Variants in ALDH3A2 observed in about 807,000 individuals in gnomAD.
ALDH3A2 encodes aldehyde dehydrogenase 3 family member A2.
Under a neutral mutation model 51.3 loss-of-function variants are expected in ALDH3A2, and 36 were observed. The ratio of observed to expected loss-of-function variants is 0.70; its 90% CI spans 0.54 to 0.93. ALDH3A2 has a LOEUF of 0.93. Among genes scored for constraint, ALDH3A2 ranks in the 40% least tolerant of loss-of-function variants. The pLI is 0.00. For missense variants in ALDH3A2, 552 were observed against 603.1 expected, an observed-to-expected ratio of 0.92 and a Z score of 0.89; for synonymous variants, 199 against 219.8, an observed-to-expected ratio of 0.91 and a Z score of 0.84.
rs2084898379 is a variant in ALDH3A2 at position 19,656,459 on chromosome 17, G to A, written c.565G>A (p.Val189Ile). 3 of 1,614,058 alleles carry A rather than the reference G, an allele frequency of 1.9e-6. No homozygotes were observed. The highest frequency in any genetic ancestry group is 1.3e-5 in the African/African-American group (1 of 74,918). ...CATTTTCTATACGGGAAACACTGCG[G>A]TTGGCAAAATTGTCATGGAAGCTGC... ...DHIFYTGNTA[V>I]GKIVMEAAAK... Residue 189 changes from valine (V) to isoleucine (I), a missense_variant, in exon 4 of 10, where the codon GTT (valine) becomes ATT (isoleucine). Physicochemically the swap from Val to Ile is conservative, Grantham distance 29. Transcript: ENST00000176643.
chr17:19,655,825 A>T (rs897580631), intron 3 of ALDH3A2, among the ~76,000 whole-genome samples: 1 of 152,214 alleles, frequency 6.6e-6, no homozygotes, highest in African/African-American at 2.4e-5. Flanking sequence ...AGGCTCAGAG[A>T]TGTTCAGTAG....
In ALDH3A2 at chr17:19,673,013, C is replaced by T. The variant is rs997517822; in HGVS notation, c.1443+1057C>T. 1.0e-5 allele frequency: 12 copies of T among 1,156,064 alleles called. No homozygotes were observed. In the East Asian group the frequency reaches 2.4e-4, roughly 23 times the overall value. The allele number at this position is 1,156,064 out of a possible 1,614,324, so 71.6% of individuals were successfully genotyped here. On this transcript the variant is annotated intron_variant, in intron 9 of 9. Transcript: ENST00000176643. ...CCAAGATCATGCCACTGCACTCCAGCCTGGGCAATAGAGCGAGACTCCATC... is the reference window on the plus strand; with the variant it reads ...CCAAGATCATGCCACTGCACTCCAGTCTGGGCAATAGAGCGAGACTCCATC...
chr17:19,663,336 CA>C lies in ALDH3A2; in HGVS notation c.946del (p.Thr316GlnfsTer12), dbSNP rs1295218502. On this transcript the variant is annotated frameshift_variant, in exon 7 of 10. Transcript: ENST00000176643. LOFTEE classifies it high-confidence loss of function. Reference protein sequence around the residue: ...ETDEATRYIAPTVLTDVDPKT... With the variant: ...ETDEATRYIAXTVLTDVDPKT... The stretch of plus-strand genomic sequence containing the variant: ...ATTTTGTTTATTTTCTTTTTAGCCC[CA>C]ACAGTACTTACCGATGTTGATCCTA... The C allele has an allele frequency of 6.2e-7, 1 of 1,613,944 alleles. No individual in the cohort carries two copies.
rs72547554 is a variant in ALDH3A2, at chr17:19,648,999, C to G, written c.28C>G (p.Gln10Glu). Residue 10 changes from glutamine (Q) to glutamate (E), a missense_variant, in exon 1 of 10, where the codon CAG becomes GAG. By Grantham distance (29) the Gln-to-Glu change is conservative. Coordinates refer to ENST00000176643, the MANE Select transcript of ALDH3A2 (RefSeq NM_000382.3). MELEVRRVR[Q>E]AFLSGRSRPL... ...GGAGCTCGAAGTCCGGCGGGTCCGA[C>G]AGGCGTTCCTGTCCGGCCGGTCGCG... The G allele has an allele frequency of 5.5e-3, 8,680 of 1,585,796 alleles. 25 individuals are homozygous for G. Among genetic ancestry groups the G allele is most frequent in the Non-Finnish European group, 6.8e-3 (7,954 of 1,166,856 alleles).
chr17:19,665,684 T>C (rs751394194), intron 8 of ALDH3A2, among the ~76,000 whole-genome samples: 12 of 152,190 alleles, frequency 7.9e-5, no homozygotes, highest in Non-Finnish European at 1.6e-4. Flanking sequence ...GAACATGACC[T>C]GCCTGCCTCT....
chr17:19,662,538 T>G lies in ALDH3A2; in HGVS notation c.941-795T>G, dbSNP rs144836063. Reference sequence around the variant, plus strand: ...GAGTACTGCTAGTTGGTGACTTACATTGGCAGCAGATGCTGGGACACTTTG... The same window carrying G: ...GAGTACTGCTAGTTGGTGACTTACAGTGGCAGCAGATGCTGGGACACTTTG... On this transcript the variant is annotated intron_variant, in intron 6 of 9. Transcript: ENST00000176643. Among the ~76,000 whole-genome samples the G allele has an allele frequency of 3.2e-3, 482 of 152,286 alleles. 2 individuals carry two copies. Among genetic ancestry groups the G allele is most frequent in the African/African-American group, 0.011 (452 of 41,568 alleles).
intron 5 of ALDH3A2, among the ~76,000 whole-genome samples, chr17:19,660,534 G>A (rs1413714783): frequency 1.3e-5 from 2 of 152,140 alleles, no homozygotes; most frequent in East Asian, 3.8e-4. Context: ...GATTATTGAC[G>A]TTCTTTTACC....
At chr17:19,663,239 A>G in intron 6 of ALDH3A2, 94 bp from the exon 7 acceptor site, 1 of 1,423,186 alleles carries the variant, frequency 7.0e-7, no homozygotes, top group South Asian at 1.2e-5. Context: ...GGAGAGGGAA[A>G]GGCATGGATA....
At position 19,675,584 on chromosome 17, in the gene ALDH3A2, G is replaced by A; in HGVS notation, c.*12G>A. ...CAGAATATTACTGAAGAATGATCCT[G>A]TTCAACCTCCTAGTGCCTCTACTGA... On this transcript the variant is annotated 3_prime_UTR_variant, in exon 10 of 10. Transcript: ENST00000176643. 1 of 1,612,076 alleles carries A rather than the reference G, an allele frequency of 6.2e-7. No individual in the cohort carries two copies. Among genetic ancestry groups the A allele is most frequent in the Non-Finnish European group, 8.5e-7 (1 of 1,178,166 alleles).
intron 1 of ALDH3A2, among the ~76,000 whole-genome samples, chr17:19,650,245 G>A (rs1032368909): frequency 6.6e-6 from 1 of 151,506 alleles, no homozygotes; most frequent in Non-Finnish European, 1.5e-5. Context: ...GTTTTAGGGT[G>A]TAAGTATATT....
At chr17:19,673,061 T>C in intron 9 of ALDH3A2, 3 of 1,559,898 alleles carry the variant, frequency 1.9e-6, no homozygotes, top group Non-Finnish European at 2.7e-6. Flanking sequence ...ACAACAAAAA[T>C]TTGAAAGGGG....
At chr17:19,670,211 C>T (rs2085094039) in intron 8 of ALDH3A2, among the ~76,000 whole-genome samples, 1 of 151,554 alleles carries the variant, frequency 6.6e-6, no homozygotes, top group Non-Finnish European at 1.5e-5. Context: ...CTTCCGAAAT[C>T]CCCTAGGATT....
At chr17:19,669,171 C>T (rs140355377) in intron 8 of ALDH3A2, among the ~76,000 whole-genome samples, 1,945 of 151,852 alleles carry the variant, frequency 0.013, 39 homozygotes, top group African/African-American at 0.044. Flanking sequence ...GGCATTGTGG[C>T]ATGCACATGT....
At chr17:19,660,003 G>T (rs1438946426) in intron 5 of ALDH3A2, among the ~76,000 whole-genome samples, 1 of 152,066 alleles carries the variant, frequency 6.6e-6, no homozygotes, top group Non-Finnish European at 1.5e-5. Flanking sequence ...ATCCAGATGA[G>T]CACATGAAGG....
intron 3 of ALDH3A2, 58 bp downstream of exon 3, chr17:19,652,690 T>A: frequency 5.7e-6 from 8 of 1,413,834 alleles, no homozygotes; most frequent in South Asian, 4.6e-5. Context: ...ACACACATTT[T>A]ATTTTCTTGC....
chr17:19,661,107 ACTC>A lies in ALDH3A2; in HGVS notation c.799-17_799-15del. The A allele has an allele frequency of 6.2e-7, 1 of 1,603,414 alleles. No homozygotes were observed. Among genetic ancestry groups the A allele is most frequent in the East Asian group, 2.2e-5 (1 of 44,770 alleles). Reference sequence around the variant, plus strand: ...TTGTGGGTCTTTGTGACATTTATATACTCCTGTTGTTTTAAATAGGAATTTTAT... The same window carrying A: ...TTGTGGGTCTTTGTGACATTTATATACTGTTGTTTTAAATAGGAATTTTAT... On this transcript the variant is annotated splice_polypyrimidine_tract_variant and intron_variant, in intron 5 of 9. Coordinates refer to ENST00000176643, the MANE Select transcript of ALDH3A2 (RefSeq NM_000382.3).
intron 2 of ALDH3A2, 141 bp from the exon 3 acceptor site, chr17:19,652,406 A>AT: frequency 1.5e-6 from 1 of 673,168 alleles, no homozygotes; most frequent in Non-Finnish European, 2.6e-6. Flanking sequence ...ATGAGCTCTT[A>AT]TGCTAATTAT....
intron 3 of ALDH3A2, chr17:19,655,434 C>T (rs2084881787): frequency 6.6e-6 from 1 of 152,212 alleles, no homozygotes; most frequent in African/African-American, 2.4e-5. Context: ...ATAACTGACT[C>T]TGTCCGGATA....
chr17:19,658,239 G>A (rs1404522516), intron 5 of ALDH3A2, among the ~76,000 whole-genome samples: 1 of 152,202 alleles, frequency 6.6e-6, no homozygotes, highest in Non-Finnish European at 1.5e-5. Flanking sequence ...CAGTTTTTGT[G>A]TATGTAGAGG....
Sources: allele counts gnomAD v4.1 joint callset (sites outside exome capture counted in the v4.1 genomes callset), GRCh38; gene constraint gnomAD v4.1.1; transcripts MANE v1.5; gene names NCBI Gene and HGNC (gene_info 2026-07-23, HGNC 2026-07-21).